Variants in ABCD3 observed in about 807,000 individuals in gnomAD.
The protein encoded by ABCD3 is ATP-binding cassette sub-family D member 3.
Under a neutral mutation model 105.5 loss-of-function variants are expected in ABCD3, and 41 were observed. That is an observed-to-expected ratio of 0.39 (90% confidence interval 0.30 to 0.50). The LOEUF (loss-of-function observed/expected upper bound fraction) is 0.50. Ranked by LOEUF, ABCD3 falls within the 20% of genes least tolerant of loss-of-function variation. The probability of loss-of-function intolerance (pLI) is 0.84; values close to 1 mark genes in which losing one functional copy is unlikely to be tolerated. For synonymous variants in ABCD3, 258 were observed against 269.0 expected, an observed-to-expected ratio of 0.96 and a Z score of 0.40; for missense variants, 622 against 806.3, an observed-to-expected ratio of 0.77 and a Z score of 2.77.
At chr1:94,469,076 A>G (rs1570784948) in intron 4 of ABCD3, among the ~76,000 whole-genome samples, 1 of 152,216 alleles carries the variant, frequency 6.6e-6, no homozygotes, top group East Asian at 1.9e-4. Flanking sequence ...GTTCTGCAGG[A>G]CTTAATGACA....
intron 21 of ABCD3, among the ~76,000 whole-genome samples, chr1:94,508,645 G>C (rs1397221246): frequency 1.3e-5 from 2 of 149,410 alleles, no homozygotes; most frequent in South Asian, 4.3e-4. Context: ...TCTTCCATTT[G>C]TTTGTATCCT....
At chr1:94,513,670 G>A (rs1650789299) in intron 21 of ABCD3, 3 of 152,040 alleles carry the variant, frequency 2.0e-5, no homozygotes. Flanking sequence ...GATAGAATCT[G>A]AGGTTCAAAT....
At chr1:94,397,707 T>G in the ABCD3 span, among the ~76,000 whole-genome samples, 2 of 152,194 alleles carry the variant, frequency 1.3e-5, 1 homozygote, top group South Asian at 4.1e-4. Flanking sequence ...CCTTTCCATA[T>G]TCTATTAATT....
chr1:94,473,469 A>T (rs1648584120), intron 4 of ABCD3, among the ~76,000 whole-genome samples: 1 of 152,114 alleles, frequency 6.6e-6, no homozygotes, highest in Non-Finnish European at 1.5e-5. Flanking sequence ...ATGCTAGCTT[A>T]GTTTCTTTTG....
At chr1:94,440,511 C>G (rs888691046) in intron 1 of ABCD3, among the ~76,000 whole-genome samples, 1 of 152,178 alleles carries the variant, frequency 6.6e-6, no homozygotes, top group Non-Finnish European at 1.5e-5. Context: ...TAGACATTAC[C>G]TTGAACTCCT....
rs539833528 is a variant in ABCD3, at chr1:94,501,183, C to T, written c.1740+1569C>T. Among the ~76,000 whole-genome samples the T allele has an allele frequency of 4.6e-5, 7 of 151,578 alleles. 2 individuals carry two copies. Among genetic ancestry groups the T allele is most frequent in the African/African-American group, 1.2e-4 (5 of 41,298 alleles). On this transcript the variant is annotated intron_variant, in intron 20 of 22. Transcript: ENST00000370214. ...GGCTGAGGCGGGAGAATCACTTCAA[C>T]CCGGGAGGCATAGGCTGCAGTGAGC... is the stretch of plus-strand genomic sequence containing the variant.
Position 94,487,754 on chromosome 1 carries a change from C to A in ABCD3, c.1028C>A (p.Pro343His), listed in dbSNP as rs763218506. The A allele has an allele frequency of 3.7e-6, 6 of 1,613,960 alleles. No individual in the cohort carries two copies. The highest frequency in any genetic ancestry group is 5.1e-6 in the Non-Finnish European group (6 of 1,179,956). ...CGCCCTTTCTTAGATTTGTCTCATC[C>A]TCGACATCTCAAGAGTACACATTCG... ...VSRPFLDLSH[P>H]RHLKSTHSEL... Residue 343 changes from proline to histidine, a missense_variant, in exon 12 of 23, where the codon CCT becomes CAT. By Grantham distance (77) the Pro-to-His change is moderately conservative (BLOSUM62 -2). This residue lies in a region of ABCD3 where 245 missense variants were observed against 356.4 expected (regional missense o/e 0.69). Transcript: ENST00000370214.
chr1:94,464,164 G>A (rs546067124), intron 2 of ABCD3, among the ~76,000 whole-genome samples: 41 of 151,896 alleles, frequency 2.7e-4, no homozygotes, highest in Admixed American at 7.9e-4. Flanking sequence ...TGTTTCTCCC[G>A]CTAGAATGTG....
In ABCD3 at chr1:94,429,959, G is replaced by A. The variant is rs7523712; in HGVS notation, c.110+11371G>A. ...AACTGCAAACATTCAATGCCAGCCC[G>A]TGAAAGCAGCCAGGAGGGAGGCTGT... On this transcript the variant is annotated intron_variant, in intron 1 of 22. Coordinates refer to ENST00000370214, the MANE Select transcript of ABCD3 (RefSeq NM_002858.4). Among the ~76,000 whole-genome samples, 254 of 152,346 alleles carry A rather than the reference G, an allele frequency of 1.7e-3. 1 individual carries two copies. The highest frequency in any genetic ancestry group is 5.7e-3 in the African/African-American group (238 of 41,570).
At chr1:94,466,446 C>T (rs1428218283) in intron 3 of ABCD3, among the ~76,000 whole-genome samples, 2 of 152,122 alleles carry the variant, frequency 1.3e-5, no homozygotes, top group African/African-American at 4.8e-5. Context: ...CATGTAACTT[C>T]ATTTTCCTTA....
At chr1:94,427,717 C>T (rs970221192) in intron 1 of ABCD3, among the ~76,000 whole-genome samples, 2 of 152,176 alleles carry the variant, frequency 1.3e-5, no homozygotes, top group African/African-American at 2.4e-5. Context: ...TCCAAGCGAT[C>T]GCCTGCCTTG....
Position 94,483,339 on chromosome 1 carries a change from A to C in ABCD3, c.897+100A>C, listed in dbSNP as rs1299746369. On this transcript the variant is annotated intron_variant, in intron 10 of 22. Transcript: ENST00000370214. ...CACACATACACACACACACAAACAC[A>C]CACGTATGTATACATATCTTAAAGA... The C allele has an allele frequency of 4.7e-6, 4 of 848,754 alleles. No individual in the cohort carries two copies. In the Admixed American group the frequency reaches 7.5e-5, roughly 16 times the overall value. 52.6% of individuals were successfully genotyped at this position (848,754 alleles called of 1,614,324 possible).
At chr1:94,420,793 A>G in intron 1 of ABCD3, among the ~76,000 whole-genome samples, 1 of 152,280 alleles carries the variant, frequency 6.6e-6, no homozygotes, top group Non-Finnish European at 1.5e-5. Context: ...GCTTTTGAAT[A>G]TCTTTGGTAA....
intron 22 of ABCD3, among the ~76,000 whole-genome samples, chr1:94,516,263 A>G (rs1031988739): frequency 6.6e-6 from 1 of 151,938 alleles, no homozygotes; most frequent in South Asian, 2.1e-4. Flanking sequence ...TGAAAATTAG[A>G]CAGGTAGCCT....
At chr1:94,495,527 G>A (rs183793347) in intron 16 of ABCD3, among the ~76,000 whole-genome samples, 3 of 152,274 alleles carry the variant, frequency 2.0e-5, no homozygotes, top group Non-Finnish European at 4.4e-5. Flanking sequence ...ACCAAATGCC[G>A]TGAAGTAAAG....
intron 5 of ABCD3, among the ~76,000 whole-genome samples, chr1:94,474,171 TCTC>T (rs1247435088): frequency 6.7e-6 from 1 of 148,490 alleles, no homozygotes; most frequent in Non-Finnish European, 1.5e-5. Flanking sequence ...GTAGCACCCT[TCTC>T]CTAGTTCTAA....
chr1:94,490,182 T>C (rs1306567684), intron 15 of ABCD3, among the ~76,000 whole-genome samples: 1 of 152,050 alleles, frequency 6.6e-6, no homozygotes, highest in Admixed American at 6.6e-5. Flanking sequence ...TGTTGTGAAA[T>C]GATTACGTTT....
At chr1:94,445,417 A>G (rs900016886) in intron 1 of ABCD3, among the ~76,000 whole-genome samples, 1 of 152,194 alleles carries the variant, frequency 6.6e-6, no homozygotes. Flanking sequence ...ATGGTGGGTA[A>G]GAAGGGGAGC....
intron 20 of ABCD3, among the ~76,000 whole-genome samples, chr1:94,506,209 T>C (rs1236276597): frequency 6.6e-5 from 10 of 152,304 alleles, no homozygotes; most frequent in South Asian, 4.1e-4. Context: ...TGAGATTTGG[T>C]TAAAATATGT....
Sources: allele counts gnomAD v4.1 joint callset (sites outside exome capture counted in the v4.1 genomes callset), GRCh38; gene constraint gnomAD v4.1.1; regional missense constraint gnomAD v4.1.1; transcripts MANE v1.5; gene names NCBI Gene and HGNC (gene_info 2026-07-23, HGNC 2026-07-21).